APAF1: variants seen among roughly 807,000 people sequenced by gnomAD.
APAF1 encodes apoptotic protease-activating factor 1.
A neutral mutation model predicts 152.4 loss-of-function variants in APAF1; 91 were observed. The observed-to-expected ratio is 0.60, with a 90% CI of 0.50 to 0.71. The LOEUF is 0.71. Among genes scored for constraint, APAF1 ranks in the 30% least tolerant of loss-of-function variants. The pLI is 0.00. For synonymous variants in APAF1, 484 were observed against 494.1 expected (o/e 0.98, Z 0.27); for missense variants, 1,283 against 1,472.0 (o/e 0.87, Z 2.10).
In APAF1 at chr12:98,683,129, T is replaced by C. The variant is rs914092054; in HGVS notation, c.2047-14T>C. ...ATAATGGATATTTGTAAATTTTTTC[T>C]CTTTTCTCTTTAGATTTGGAATTCT... is the stretch of plus-strand genomic sequence containing the variant. On this transcript the variant is annotated splice_polypyrimidine_tract_variant and intron_variant, in intron 14 of 26. Coordinates refer to ENST00000551964, the MANE Select transcript of APAF1 (RefSeq NM_181861.2). 12 of 1,608,740 alleles carry C rather than the reference T, an allele frequency of 7.5e-6. No individual in the cohort carries two copies. The African/African-American group carries it at 9.4e-5, about 13-fold the overall frequency.
chr12:98,720,473 AG>A (rs935091047), intron 22 of APAF1, among the ~76,000 whole-genome samples: 1 of 152,220 alleles, frequency 6.6e-6, no homozygotes, highest in Non-Finnish European at 1.5e-5. Context: ...GAATCCAGTA[AG>A]GGTTCTGTAA....
intron 22 of APAF1, among the ~76,000 whole-genome samples, chr12:98,721,021 A>G (rs956899525): frequency 2.0e-5 from 3 of 152,250 alleles, no homozygotes; most frequent in Non-Finnish European, 2.9e-5. Context: ...AATTTTATTC[A>G]TATAGCTGAA....
chr12:98,692,878 T>A (rs574441160), intron 16 of APAF1, among the ~76,000 whole-genome samples: 12 of 152,186 alleles, frequency 7.9e-5, no homozygotes, highest in Non-Finnish European at 4.4e-5. Flanking sequence ...TTTGGTAGAA[T>A]GATTTGTTTT....
chr12:98,710,497 A>C (rs1430060314), intron 20 of APAF1, among the ~76,000 whole-genome samples: 1 of 152,206 alleles, frequency 6.6e-6, no homozygotes, highest in Non-Finnish European at 1.5e-5. Context: ...AGACGAGAGT[A>C]ATAGAGCACA....
intron 1 of APAF1, among the ~76,000 whole-genome samples, chr12:98,646,951 G>C (rs551766092): frequency 6.6e-6 from 1 of 152,198 alleles, no homozygotes; most frequent in South Asian, 2.1e-4. Flanking sequence ...CATCCTCCTT[G>C]AACGAGAACT....
chr12:98,682,904 C>A (rs1466628407), intron 14 of APAF1, among the ~76,000 whole-genome samples: 1 of 152,134 alleles, frequency 6.6e-6, no homozygotes, highest in Non-Finnish European at 1.5e-5. Context: ...GTGTTCATGA[C>A]ACTCTAGTTA....
At chr12:98,682,648 C>T (rs1226588270) in intron 14 of APAF1, among the ~76,000 whole-genome samples, 2 of 152,106 alleles carry the variant, frequency 1.3e-5, no homozygotes, top group Non-Finnish European at 2.9e-5. Flanking sequence ...GAACACTTGT[C>T]ATGTTCATTA....
intron 16 of APAF1, among the ~76,000 whole-genome samples, chr12:98,692,547 C>A (rs781435330): frequency 4.7e-4 from 71 of 152,302 alleles, no homozygotes; most frequent in Non-Finnish European, 7.1e-4. Flanking sequence ...CTCATTCCCC[C>A]CTCCCCAACT....
At chr12:98,646,704 C>G (rs1456889774) in intron 1 of APAF1, among the ~76,000 whole-genome samples, 3 of 152,186 alleles carry the variant, frequency 2.0e-5, no homozygotes, top group Non-Finnish European at 4.4e-5. Flanking sequence ...CTCTTTCACT[C>G]TATACATTGT....
At position 98,702,430 on chromosome 12, in the gene APAF1, C is replaced by G. The variant is rs1452016041; in HGVS notation, c.2467-941C>G. On this transcript the variant is annotated intron_variant, in intron 17 of 26. Coordinates refer to ENST00000551964, the MANE Select transcript of APAF1 (RefSeq NM_181861.2). ...TTCTTTCTAAGGTCTATGTCTTGAT[C>G]TTAAATCAGTATATTGTATCAATAC... is the stretch of plus-strand genomic sequence containing the variant. Among the ~76,000 whole-genome samples the G allele has an allele frequency of 2.0e-5, 3 of 152,066 alleles. No homozygotes were observed. In the East Asian group the frequency reaches 5.8e-4, roughly 29 times the overall value.
intron 4 of APAF1, among the ~76,000 whole-genome samples, chr12:98,651,946 C>T (rs2097649508): frequency 2.0e-5 from 3 of 152,154 alleles, no homozygotes; most frequent in African/African-American, 7.2e-5. Flanking sequence ...TCCGGAGTAG[C>T]TGGGACCACA....
chr12:98,706,338 A>G, intron 18 of APAF1, 147 bp from the exon 19 acceptor site: 1 of 815,772 alleles, frequency 1.2e-6, no homozygotes, highest in Non-Finnish European at 2.1e-6. Flanking sequence ...AATCTTCTGC[A>G]TAAGACATTT....
At chr12:98,663,728 G>C (rs1027394300) in intron 7 of APAF1, among the ~76,000 whole-genome samples, 1 of 134,030 alleles carries the variant, frequency 7.5e-6, no homozygotes, top group Non-Finnish European at 1.6e-5. Flanking sequence ...GCGTGATCTC[G>C]GCTCACTGCA....
chr12:98,649,862 T>C (rs2097646688), intron 4 of APAF1, among the ~76,000 whole-genome samples, 178 bp downstream of exon 4: 1 of 152,088 alleles, frequency 6.6e-6, no homozygotes, highest in Non-Finnish European at 1.5e-5. Context: ...GCTTCCTGAA[T>C]GAGATGACAT....
At chr12:98,671,130 A>ATT (rs199621981) in intron 11 of APAF1, 44 bp downstream of exon 11, 114 of 1,158,346 alleles carry the variant, frequency 9.8e-5, no homozygotes, top group Middle Eastern at 6.3e-4. Flanking sequence ...AAGGAATCTC[A>ATT]TTTTTTTTTA....
At position 98,734,340 on chromosome 12, in the gene APAF1, G is replaced by T. The variant is rs1031993716; in HGVS notation, c.*1774G>T. The T allele has an allele frequency of 6.6e-6, 1 of 152,098 alleles. No homozygotes were observed. The highest frequency in any genetic ancestry group is 2.4e-5 in the African/African-American group (1 of 41,408). The allele number at this position is 152,098 out of a possible 1,614,324, so 9.4% of individuals were successfully genotyped here. On this transcript the variant is annotated 3_prime_UTR_variant, in exon 27 of 27. Coordinates refer to ENST00000551964, the MANE Select transcript of APAF1 (RefSeq NM_181861.2). ...TAGCTATTTTTGACCTCCTGATCAGGAACTTTAGTTGAAGCGTAAATCTAA... is the reference window on the plus strand; with the variant it reads ...TAGCTATTTTTGACCTCCTGATCAGTAACTTTAGTTGAAGCGTAAATCTAA...
Position 98,708,484 on chromosome 12 carries a change from G to A in APAF1, c.2722-101G>A, listed in dbSNP as rs373705811. 10 of 1,191,752 alleles carry A rather than the reference G, an allele frequency of 8.4e-6. No individual in the cohort carries two copies. The African/African-American group carries it at 1.2e-4, about 15-fold the overall frequency. 73.8% of individuals were successfully genotyped at this position (1,191,752 alleles called of 1,614,324 possible). ...ATAATCTAATATTGAAACCTTTCTA[G>A]CATCATAGGTATTTTATGTGAAACA... is the stretch of plus-strand genomic sequence containing the variant. On this transcript the variant is annotated intron_variant, in intron 19 of 26. Transcript: ENST00000551964.
At chr12:98,723,135 C>T (rs546050898) in intron 22 of APAF1, 58 bp from the exon 23 acceptor site, 11 of 1,569,920 alleles carry the variant, frequency 7.0e-6, no homozygotes, top group Middle Eastern at 3.4e-4. Flanking sequence ...TCTCTCCACC[C>T]CTCCAATGAG....
intron 25 of APAF1, among the ~76,000 whole-genome samples, chr12:98,726,052 TTG>T (rs1474766658): frequency 6.6e-6 from 1 of 152,148 alleles, no homozygotes; most frequent in African/African-American, 2.4e-5. Context: ...ATTTCCGTCA[TTG>T]TGGGGCAGCG....
Sources: allele counts gnomAD v4.1 joint callset (sites outside exome capture counted in the v4.1 genomes callset), GRCh38; gene constraint gnomAD v4.1.1; transcripts MANE v1.5; gene names NCBI Gene and HGNC (gene_info 2026-07-23, HGNC 2026-07-21).